Variants in KIZ observed in about 807,000 individuals in gnomAD.
KIZ encodes centrosomal protein kizuna.
KIZ carries 68 observed loss-of-function variants against 79.6 expected under a neutral mutation model. The ratio of observed to expected loss-of-function variants is 0.85; its 90% confidence interval spans 0.70 to 1.05. KIZ has a LOEUF of 1.05. KIZ is among the 50% of genes least tolerant of loss of function. The pLI is 0.00. For synonymous variants in KIZ, 280 were observed against 281.8 expected (o/e 0.99, Z 0.06); for missense variants, 797 against 800.4 (o/e 1.00, Z 0.05).
intron 3 of KIZ, among the ~76,000 whole-genome samples, chr20:21,140,662 G>T (rs1365029512): frequency 1.3e-5 from 2 of 152,022 alleles, no homozygotes; most frequent in African/African-American, 4.8e-5. Flanking sequence ...GGATAAAGGG[G>T]CTGAATAAAC....
Position 21,206,021 on chromosome 20 carries a change from G to T in KIZ, c.1446+437G>T, listed in dbSNP as rs145719629. ...ATGTTATGTATTTGAAAAAAATAAC[G>T]ATAAGAAAAGTAGTAAGTGAGGTTT... On this transcript the variant is annotated intron_variant, in intron 7 of 12. Transcript: ENST00000619189. Among the ~76,000 whole-genome samples the T allele has an allele frequency of 1.1e-3, 174 of 152,094 alleles. 2 individuals are homozygous for T. The highest frequency in any genetic ancestry group is 4.1e-3 in the African/African-American group (170 of 41,452).
At chr20:21,203,917 G>A (rs1229384773) in intron 6 of KIZ, among the ~76,000 whole-genome samples, 1 of 151,792 alleles carries the variant, frequency 6.6e-6, no homozygotes, top group Non-Finnish European at 1.5e-5. Context: ...TTACAAAATG[G>A]AAAATCTATA....
intron 8 of KIZ, among the ~76,000 whole-genome samples, chr20:21,214,952 T>C (rs1568985071): frequency 6.6e-6 from 1 of 152,202 alleles, no homozygotes; most frequent in Non-Finnish European, 1.5e-5. Flanking sequence ...ATGAAGAAGT[T>C]ACGAAATCTT....
chr20:21,225,119 A>C (rs1269104553), intron 9 of KIZ, among the ~76,000 whole-genome samples: 5 of 152,228 alleles, frequency 3.3e-5, no homozygotes, highest in Non-Finnish European at 7.3e-5. Context: ...TGAATAGACA[A>C]GGATAGATTT....
upstream of KIZ, chr20:21,126,008 C>G: frequency 7.5e-7 from 1 of 1,326,428 alleles, no homozygotes; most frequent in Non-Finnish European, 9.6e-7. Context: ...CTCCTGCAGG[C>G]GGCCCGGCGC....
chr20:21,126,220 C>T lies in KIZ; in HGVS notation c.89+16C>T, dbSNP rs764064292. On this transcript the variant is annotated intron_variant, in intron 1 of 12. Transcript: ENST00000619189. ...TGCGGGACAGGTAAGGGCACTGGGG[C>T]GGGGGTGGGGAGTCGGCCCGCGCCG... 11 of 1,286,286 alleles carry T rather than the reference C, an allele frequency of 8.6e-6. No individual in the cohort carries two copies. The highest frequency in any genetic ancestry group is 3.0e-5 in the South Asian group (2 of 66,200). 79.7% of individuals were successfully genotyped at this position (1,286,286 alleles called of 1,614,324 possible). A position where few individuals can be genotyped will look rare whatever the true frequency, so the allele number is the denominator to read the frequency against.
chr20:21,225,701 T>C (rs532458910), intron 9 of KIZ, among the ~76,000 whole-genome samples: 1 of 152,336 alleles, frequency 6.6e-6, no homozygotes, highest in Non-Finnish European at 1.5e-5. Context: ...TCACTGTCTT[T>C]CTTCCTTCTA....
chr20:21,161,828 T>C (rs1202637605), intron 4 of KIZ, 43 bp from the exon 5 acceptor site: 1 of 1,452,920 alleles, frequency 6.9e-7, no homozygotes, highest in Non-Finnish European at 9.4e-7. Context: ...ACCTAATTGT[T>C]TATACACAGT....
chr20:21,234,957 G>C (rs1600615148), intron 11 of KIZ, among the ~76,000 whole-genome samples: 1 of 152,126 alleles, frequency 6.6e-6, no homozygotes, highest in African/African-American at 2.4e-5. Flanking sequence ...TAAGTAATTG[G>C]TTTGCAGTTG....
chr20:21,142,228 C>T (rs1220241035), intron 3 of KIZ, among the ~76,000 whole-genome samples: 1 of 152,132 alleles, frequency 6.6e-6, no homozygotes, highest in Non-Finnish European at 1.5e-5. Flanking sequence ...CTTTTTCCCC[C>T]TGCCCTGCCT....
In KIZ at chr20:21,145,635, C is replaced by T. The variant is rs189565110; in HGVS notation, c.386C>T (p.Thr129Ile). The stretch of plus-strand genomic sequence containing the variant: ...AGCCTGGGACTAAAAGAGGAACTGA[C>T]AGATGAAGACAGAGAAAAGGTAATA... Reference protein sequence around the residue: ...KDSLGLKEELTDEDREKVAVH... With the variant: ...KDSLGLKEELIDEDREKVAVH... Residue 129 changes from threonine to isoleucine, a missense_variant, in exon 4 of 13, where the codon ACA becomes ATA. Thr to Ile is a moderately conservative substitution (Grantham distance 89). Coordinates refer to ENST00000619189, the MANE Select transcript of KIZ (RefSeq NM_018474.6). 14 of 1,494,258 alleles carry T rather than the reference C, an allele frequency of 9.4e-6. No homozygotes were observed. In the Admixed American group the frequency reaches 2.3e-4, roughly 24 times the overall value. 92.6% of individuals were successfully genotyped at this position (1,494,258 alleles called of 1,614,324 possible). A position where few individuals can be genotyped will look rare whatever the true frequency, so the allele number is the denominator to read the frequency against.
At chr20:21,208,576 G>A (rs1022184471) in intron 7 of KIZ, among the ~76,000 whole-genome samples, 8 of 152,114 alleles carry the variant, frequency 5.3e-5, no homozygotes, top group South Asian at 2.1e-4. Flanking sequence ...GCTGGCGGGC[G>A]CCTGTAGTCC....
intron 6 of KIZ, among the ~76,000 whole-genome samples, chr20:21,191,753 T>C (rs1344029771): frequency 6.6e-6 from 1 of 151,960 alleles, no homozygotes; most frequent in African/African-American, 2.4e-5. Flanking sequence ...TACACCTTAG[T>C]TGATTTGTAC....
At chr20:21,244,163 C>T in intron 11 of KIZ, 82 bp from the exon 12 acceptor site, 1 of 964,054 alleles carries the variant, frequency 1.0e-6, no homozygotes, top group Non-Finnish European at 1.6e-6. Context: ...CAAAGTGCTT[C>T]TTCTCTAATG....
chr20:21,156,849 G>A (rs1191861704), intron 4 of KIZ, among the ~76,000 whole-genome samples: 1 of 152,158 alleles, frequency 6.6e-6, no homozygotes, highest in African/African-American at 2.4e-5. Context: ...ACACATATAT[G>A]TAGAGGGAGA....
intron 12 of KIZ, chr20:21,244,804 G>A (rs1278384815): frequency 6.5e-6 from 1 of 154,114 alleles, no homozygotes; most frequent in East Asian, 1.9e-4. Context: ...TCAGGGTAGA[G>A]TCTGAGCTTT....
chr20:21,213,274 C>T (rs570281552), intron 7 of KIZ, among the ~76,000 whole-genome samples: 4 of 149,982 alleles, frequency 2.7e-5, no homozygotes, highest in Non-Finnish European at 4.4e-5. Flanking sequence ...CCGGGCCTTC[C>T]GTCCGGGCCT....
Position 21,203,374 on chromosome 20 carries a change from T to G in KIZ, c.1353-2117T>G, listed in dbSNP as rs546803592. Among the ~76,000 whole-genome samples the G allele has an allele frequency of 3.3e-5, 5 of 152,340 alleles. No homozygotes were observed. The South Asian group carries it at 1.0e-3, about 32-fold the overall frequency. On this transcript the variant is annotated intron_variant, in intron 6 of 12. Coordinates refer to ENST00000619189, the MANE Select transcript of KIZ (RefSeq NM_018474.6). Reference sequence around the variant, plus strand: ...ATATGTGATTAAGTTCCAGGCCAGTTATTTTAGCAAGAAAATGTCATGGGT... The same window carrying G: ...ATATGTGATTAAGTTCCAGGCCAGTGATTTTAGCAAGAAAATGTCATGGGT...
intron 2 of KIZ, 147 bp from the exon 3 acceptor site, chr20:21,136,243 A>T (rs1454777542): frequency 8.9e-6 from 5 of 561,458 alleles, no homozygotes; most frequent in Non-Finnish European, 1.6e-5. Context: ...AAAAATGTGT[A>T]TATACATTTT....
Sources: gnomAD v4.1 joint callset for allele counts (sites outside exome capture counted in the v4.1 genomes callset) on GRCh38, gnomAD v4.1.1 for gene constraint, MANE v1.5 for transcripts, NCBI Gene and HGNC (gene_info 2026-07-23, HGNC 2026-07-21) for gene names.